ADAMTS16: variants seen among roughly 807,000 people sequenced by gnomAD.
The protein encoded by ADAMTS16 is ADAM metallopeptidase with thrombospondin type 1 motif 16, also known as A disintegrin and metalloproteinase with thrombospondin motifs 16.
Under a neutral mutation model 145.8 loss-of-function variants are expected in ADAMTS16, and 94 were observed. The ratio of observed to expected loss-of-function variants is 0.64; its 90% confidence interval spans 0.55 to 0.77. The LOEUF is 0.77. Among genes scored for constraint, ADAMTS16 ranks in the 30% least tolerant of loss-of-function variants. The pLI, the probability that ADAMTS16 is intolerant of heterozygous loss-of-function variation, is 0.00. For missense variants in ADAMTS16, 1,585 were observed against 1,591.5 expected, an observed-to-expected ratio of 1.00 and a Z score of 0.07; for synonymous variants, 659 against 604.3, an observed-to-expected ratio of 1.09 and a Z score of -1.33.
chr5:5,140,642 A>T (rs750789340), intron 1 of ADAMTS16, 22 bp from the exon 2 acceptor site: 3 of 1,535,900 alleles, frequency 2.0e-6, no homozygotes, highest in Non-Finnish European at 2.6e-6. Flanking sequence ...TCTCACCGCG[A>T]TGTCGCCGCT....
intron 9 of ADAMTS16, among the ~76,000 whole-genome samples, chr5:5,206,253 C>T (rs903298877): frequency 1.1e-4 from 16 of 147,214 alleles, no homozygotes; most frequent in Non-Finnish European, 1.0e-4. Context: ...GGTGAAACCC[C>T]GTCTCTACTA....
At chr5:5,230,414 T>A (rs1394054647) in intron 11 of ADAMTS16, among the ~76,000 whole-genome samples, 1 of 152,194 alleles carries the variant, frequency 6.6e-6, no homozygotes, top group African/African-American at 2.4e-5. Flanking sequence ...CTAGGTATGA[T>A]AATGGTGTTG....
At chr5:5,283,720 G>A (rs1579378141) in intron 18 of ADAMTS16, among the ~76,000 whole-genome samples, 1 of 152,308 alleles carries the variant, frequency 6.6e-6, no homozygotes, top group Admixed American at 6.5e-5. Context: ...AAGAACACTT[G>A]AACCCATGCA....
intron 3 of ADAMTS16, among the ~76,000 whole-genome samples, chr5:5,167,372 T>A (rs1325739654): frequency 6.6e-6 from 1 of 152,220 alleles, no homozygotes. Flanking sequence ...AAAGGTGACA[T>A]AGGGTATCTT....
intron 21 of ADAMTS16, among the ~76,000 whole-genome samples, chr5:5,316,935 A>G (rs141709205): frequency 1.3e-5 from 2 of 152,344 alleles, no homozygotes; most frequent in Non-Finnish European, 2.9e-5. Context: ...CCATGCAACC[A>G]TCATTGACAC....
intron 18 of ADAMTS16, among the ~76,000 whole-genome samples, chr5:5,288,788 T>C (rs1476275193): frequency 6.6e-6 from 1 of 152,212 alleles, no homozygotes. Flanking sequence ...GTAGAAATTG[T>C]ATTTATCTGG....
At chr5:5,201,593 C>G (rs142115968) in intron 9 of ADAMTS16, among the ~76,000 whole-genome samples, 244 of 151,878 alleles carry the variant, frequency 1.6e-3, no homozygotes, top group Middle Eastern at 6.8e-3. Flanking sequence ...AAAAACTACA[C>G]ATATTTAACG....
chr5:5,177,868 T>C (rs896096231), intron 3 of ADAMTS16, among the ~76,000 whole-genome samples: 1 of 150,750 alleles, frequency 6.6e-6, no homozygotes, highest in Non-Finnish European at 1.5e-5. Flanking sequence ...CTCTCATGAA[T>C]AGGGCGCATG....
At chr5:5,232,662 G>T (rs1736969358) in intron 12 of ADAMTS16, 146 bp downstream of exon 12, 7 of 1,063,152 alleles carry the variant, frequency 6.6e-6, no homozygotes, top group East Asian at 5.3e-5. Context: ...GGAGTGCAGT[G>T]GTGTGATCTT....
chr5:5,157,969 G>A (rs745582735), intron 3 of ADAMTS16, among the ~76,000 whole-genome samples: 5 of 152,294 alleles, frequency 3.3e-5, no homozygotes, highest in East Asian at 3.9e-4. Context: ...GGGTTTTAGC[G>A]GATGCTGTTG....
intron 11 of ADAMTS16, among the ~76,000 whole-genome samples, chr5:5,224,874 TC>T (rs1736714697): frequency 6.6e-6 from 1 of 152,326 alleles, no homozygotes; most frequent in African/African-American, 2.4e-5. Flanking sequence ...GTGCTACTTT[TC>T]CCTGGGTAAT....
intron 9 of ADAMTS16, among the ~76,000 whole-genome samples, chr5:5,205,324 A>T (rs182237097): frequency 1.3e-5 from 2 of 152,078 alleles, no homozygotes; most frequent in Non-Finnish European, 2.9e-5. Flanking sequence ...AAAGAAAAAA[A>T]AAAAAGCTCT....
intron 12 of ADAMTS16, 84 bp downstream of exon 12, chr5:5,232,600 C>CTTT (rs748424956): frequency 1.9e-4 from 171 of 905,702 alleles, no homozygotes; most frequent in East Asian, 5.6e-4. Flanking sequence ...TGTCTCAGCT[C>CTTT]TTTTTTTTTT....
In ADAMTS16 at chr5:5,319,898, G is replaced by C. The variant is rs1029875348; in HGVS notation, c.*760G>C. 9 of 455,656 alleles carry C rather than the reference G, an allele frequency of 2.0e-5. No individual in the cohort carries two copies. The highest frequency in any genetic ancestry group is 4.7e-5 in the Admixed American group (2 of 42,534). 28.2% of individuals were successfully genotyped at this position (455,656 alleles called of 1,614,324 possible). ...ATCTTTCTCAGTTATTTGCAAGTGA[G>C]TGTCCTTTTAAAAACACACTTCTTC... On this transcript the variant is annotated 3_prime_UTR_variant, in exon 23 of 23. Transcript: ENST00000274181.
chr5:5,254,941 C>A (rs1202482283), intron 17 of ADAMTS16, among the ~76,000 whole-genome samples: 1 of 152,048 alleles, frequency 6.6e-6, no homozygotes, highest in Non-Finnish European at 1.5e-5. Context: ...TAACTATCTC[C>A]TAGCATTTGG....
rs770337016 is a variant in ADAMTS16, at chr5:5,146,428, A to G, written c.474A>G (p.Ser158=). 20 of 1,610,810 alleles carry G rather than the reference A, an allele frequency of 1.2e-5. No homozygotes were observed. Among genetic ancestry groups the G allele is most frequent in the Non-Finnish European group, 1.5e-5 (18 of 1,179,618 alleles). The change falls in exon 3 of 23, where the codon TCA becomes TCG. Residue 158 remains serine (S), a synonymous_variant. Transcript: ENST00000274181. ...CTTTGCGATCACACAGAAACTCCTC[A>G]GTGGCCCTTTCAACCTGCCAAGGCT... The part of the protein sequence containing the change: ...QGSLRSHRNS[S]VALSTCQGLS...
chr5:5,303,832 CTGGTTT>C (rs1426183022), intron 20 of ADAMTS16, 66 bp downstream of exon 20: 2 of 1,540,380 alleles, frequency 1.3e-6, no homozygotes, highest in African/African-American at 1.4e-5. Context: ...CTCTTCTCTC[CTGGTTT>C]TTCTCTTCTC....
Position 5,212,022 on chromosome 5 carries a change from G to A in ADAMTS16, c.1605+2776G>A, listed in dbSNP as rs1220743573. On this transcript the variant is annotated intron_variant, in intron 10 of 22. Coordinates refer to ENST00000274181, the MANE Select transcript of ADAMTS16 (RefSeq NM_139056.4). ...TGAATATAAATTCTGCAGTGGTTGG[G>A]TAGAATATTCAAGAAATAACTGTTT... 2.6e-5 allele frequency among the ~76,000 whole-genome samples: 4 copies of A among 151,940 alleles called. No homozygotes were observed. In the East Asian group the frequency reaches 7.7e-4, roughly 29 times the overall value.
intron 10 of ADAMTS16, among the ~76,000 whole-genome samples, chr5:5,218,400 C>T (rs889073533): frequency 7.2e-5 from 11 of 152,114 alleles, no homozygotes; most frequent in South Asian, 2.1e-4. Context: ...AGTGGGAGCA[C>T]GCAGACAGGC....
Sources: gnomAD v4.1 joint callset for allele counts (sites outside exome capture counted in the v4.1 genomes callset) on GRCh38, gnomAD v4.1.1 for gene constraint, MANE v1.5 for transcripts, NCBI Gene and HGNC (gene_info 2026-07-23, HGNC 2026-07-21) for gene names.